Variants in DPP10 observed in about 807,000 individuals in gnomAD.
DPP10 encodes the protein inactive dipeptidyl peptidase 10.
A neutral mutation model predicts 120.9 loss-of-function variants in DPP10; 33 were observed. That is an observed-to-expected ratio of 0.27 (90% confidence interval 0.21 to 0.37). The LOEUF is 0.37. Among genes scored for constraint, DPP10 ranks in the 10% least tolerant of loss-of-function variants. The pLI is 1.00. For missense variants in DPP10, 816 were observed against 942.8 expected, an observed-to-expected ratio of 0.87 and a Z score of 1.76; for synonymous variants, 337 against 326.1, an observed-to-expected ratio of 1.03 and a Z score of -0.36.
chr2:115,494,814 C>T (rs1176462449), intron 3 of DPP10, among the ~76,000 whole-genome samples: 1 of 152,032 alleles, frequency 6.6e-6, no homozygotes, highest in Non-Finnish European at 1.5e-5. Flanking sequence ...ATTAAAGTTT[C>T]TCAGAGAACT....
At chr2:115,288,455 C>T (rs554711167) in intron 1 of DPP10, among the ~76,000 whole-genome samples, 37 of 152,224 alleles carry the variant, frequency 2.4e-4, no homozygotes, top group African/African-American at 8.7e-4. Flanking sequence ...TGGTGGCTCA[C>T]ACCTGTAATC....
chr2:115,371,916 A>C (rs2065435353), intron 3 of DPP10, among the ~76,000 whole-genome samples: 1 of 152,146 alleles, frequency 6.6e-6, no homozygotes, highest in Non-Finnish European at 1.5e-5. Flanking sequence ...AATACTTATA[A>C]GAACTATTTT....
At chr2:114,444,953 T>A (rs959627108) in intron 1 of DPP10, among the ~76,000 whole-genome samples, 4 of 152,184 alleles carry the variant, frequency 2.6e-5, no homozygotes, top group Admixed American at 6.5e-5. Context: ...TCTCTCTTAG[T>A]TCAAATTATG....
chr2:114,526,746 C>G (rs1685533188), intron 1 of DPP10, among the ~76,000 whole-genome samples: 1 of 152,088 alleles, frequency 6.6e-6, no homozygotes, highest in African/African-American at 2.4e-5. Context: ...TATAAGAGCA[C>G]TAATCCCATT....
intron 1 of DPP10, among the ~76,000 whole-genome samples, chr2:114,570,634 G>A (rs1356457297): frequency 6.6e-6 from 1 of 151,304 alleles, no homozygotes; most frequent in Admixed American, 6.6e-5. Context: ...GACCATCCTG[G>A]CTAATATGGT....
chr2:115,377,629 T>C (rs62167327), intron 3 of DPP10, among the ~76,000 whole-genome samples: 1 of 152,196 alleles, frequency 6.6e-6, no homozygotes, highest in Non-Finnish European at 1.5e-5. Flanking sequence ...TCCTTGCCCA[T>C]GCCTATGTCC....
rs567884911 is a variant in DPP10, at chr2:115,615,232, A to G, written c.442-74455A>G. On this transcript the variant is annotated intron_variant, in intron 5 of 25. Coordinates refer to ENST00000410059, the MANE Select transcript of DPP10 (RefSeq NM_020868.6). ...CTACTGCTTAGTTCCTTACAGCTGG[A>G]TAAGTGGGTAACCTTTGTGTCCATA... Among the ~76,000 whole-genome samples the G allele has an allele frequency of 1.6e-3, 237 of 152,270 alleles. 7 individuals are homozygous for G. The highest frequency in any genetic ancestry group is 2.2e-3 in the Admixed American group (34 of 15,288).
intron 2 of DPP10, among the ~76,000 whole-genome samples, chr2:115,343,004 G>A (rs1032960501): frequency 2.6e-5 from 4 of 152,150 alleles, no homozygotes; most frequent in African/African-American, 9.7e-5. Context: ...TTCAACCGAA[G>A]TGAAGGTCAT....
Position 115,842,952 on chromosome 2 carries a change from G to A in DPP10, c.*607G>A, listed in dbSNP as rs966769151. 9.2e-5 allele frequency: 14 copies of A among 152,664 alleles called. No homozygotes were observed. Among genetic ancestry groups the A allele is most frequent in the Non-Finnish European group, 1.3e-4 (9 of 68,078 alleles). 9.5% of individuals were successfully genotyped at this position (152,664 alleles called of 1,614,324 possible). ...TCCAAAGTTCAGCCAGTTATCAGTA[G>A]ATACAATATCTTTAAATGAACACAC... On this transcript the variant is annotated 3_prime_UTR_variant, in exon 26 of 26. Coordinates refer to ENST00000410059, the MANE Select transcript of DPP10 (RefSeq NM_020868.6).
intron 1 of DPP10, among the ~76,000 whole-genome samples, chr2:114,848,249 C>T (rs375893628): frequency 3.3e-5 from 5 of 152,280 alleles, no homozygotes; most frequent in East Asian, 3.9e-4. Context: ...AACTCCCTGT[C>T]TGCCGTTGTG....
At chr2:114,452,032 A>G (rs1226887566) in intron 1 of DPP10, among the ~76,000 whole-genome samples, 1 of 152,194 alleles carries the variant, frequency 6.6e-6, no homozygotes. Context: ...TTTAAATACT[A>G]ATTTAGTGGT....
intron 1 of DPP10, among the ~76,000 whole-genome samples, chr2:115,176,112 G>T (rs966026601): frequency 2.6e-5 from 4 of 152,046 alleles, no homozygotes; most frequent in Non-Finnish European, 5.9e-5. Context: ...CCTAGAGGAT[G>T]AGTCAGATGA....
intron 16 of DPP10, among the ~76,000 whole-genome samples, chr2:115,781,924 A>G (rs1682806139): frequency 6.6e-6 from 1 of 152,014 alleles, no homozygotes; most frequent in South Asian, 2.1e-4. Flanking sequence ...TTTCTTATGG[A>G]TGAACTATTT....
At chr2:115,217,333 A>G (rs2056892107) in intron 1 of DPP10, among the ~76,000 whole-genome samples, 1 of 152,178 alleles carries the variant, frequency 6.6e-6, no homozygotes, top group African/African-American at 2.4e-5. Flanking sequence ...GACATCATAC[A>G]TGGTAAACAC....
At chr2:114,563,419 G>A (rs894562248) in intron 1 of DPP10, among the ~76,000 whole-genome samples, 1 of 151,994 alleles carries the variant, frequency 6.6e-6, no homozygotes, top group Non-Finnish European at 1.5e-5. Context: ...TTAGCTGTAT[G>A]AAGAGAGTGA....
chr2:115,106,878 A>G (rs1033365623), intron 1 of DPP10, among the ~76,000 whole-genome samples: 1 of 152,112 alleles, frequency 6.6e-6, no homozygotes, highest in Non-Finnish European at 1.5e-5. Context: ...GATCGAGACC[A>G]TCCTGGCCAA....
intron 3 of DPP10, among the ~76,000 whole-genome samples, chr2:115,348,514 T>A (rs190185277): frequency 6.3e-4 from 96 of 152,264 alleles, no homozygotes; most frequent in Admixed American, 1.1e-3. Flanking sequence ...ACTTTTTATT[T>A]TAGATTTAGG....
chr2:115,412,880 G>A (rs895620650), intron 3 of DPP10, among the ~76,000 whole-genome samples: 1 of 152,202 alleles, frequency 6.6e-6, no homozygotes, highest in East Asian at 1.9e-4. Flanking sequence ...ATTATTAGGG[G>A]CATTCAGTAG....
At chr2:115,773,393 G>C (rs993629799) in intron 13 of DPP10, among the ~76,000 whole-genome samples, 1 of 151,950 alleles carries the variant, frequency 6.6e-6, no homozygotes, top group Non-Finnish European at 1.5e-5. Flanking sequence ...TGAATTGAAG[G>C]TCACTTGTCT....
Sources: allele counts gnomAD v4.1 joint callset (sites outside exome capture counted in the v4.1 genomes callset), GRCh38; gene constraint gnomAD v4.1.1; transcripts MANE v1.5; gene names NCBI Gene and HGNC (gene_info 2026-07-23, HGNC 2026-07-21).